The following STX2 variants were observed in gnomAD, a reference collection of about 807,000 sequenced individuals.
STX2 encodes syntaxin 2.
Under a neutral mutation model 40.6 loss-of-function variants are expected in STX2, and 27 were observed. That is an observed-to-expected ratio of 0.66 (90% CI 0.49 to 0.92). The LOEUF (loss-of-function observed/expected upper bound fraction) is 0.92. Ranked by LOEUF, STX2 falls within the 40% of genes least tolerant of loss-of-function variation. The pLI is 0.00. For synonymous variants in STX2, 123 were observed against 119.1 expected (o/e 1.03, Z -0.22); for missense variants, 328 against 366.1 (o/e 0.90, Z 0.85).
At position 130,812,889 on chromosome 12, in the gene STX2, A is replaced by G. The variant is rs1593151329; in HGVS notation, c.280+68T>C. 7.0e-6 allele frequency: 8 copies of G among 1,141,644 alleles called. No homozygotes were observed. In the East Asian group the frequency reaches 2.0e-4, roughly 28 times the overall value. 70.7% of individuals were successfully genotyped at this position (1,141,644 alleles called of 1,614,324 possible). Reference sequence around the variant, plus strand: ...TAAAAATGTAAAAGAACAAAAACCAATAAAGAAAAAAATAACAAATACCCA... The same window carrying G: ...TAAAAATGTAAAAGAACAAAAACCAGTAAAGAAAAAAATAACAAATACCCA... On this transcript the variant is annotated intron_variant, in intron 4 of 10. Coordinates refer to ENST00000392373, the MANE Select transcript of STX2 (RefSeq NM_194356.4).
chr12:130,798,711 C>G (rs1347089830), intron 8 of STX2, 76 bp from the exon 9 acceptor site: 1 of 1,169,012 alleles, frequency 8.6e-7, no homozygotes, highest in African/African-American at 1.6e-5. Flanking sequence ...AACCATAGAA[C>G]AAAGGTTTTA....
intron 3 of STX2, among the ~76,000 whole-genome samples, chr12:130,813,450 G>A (rs569710594): frequency 1.2e-4 from 19 of 152,322 alleles, no homozygotes; most frequent in Middle Eastern, 3.4e-3. Context: ...AAAGTCTCCC[G>A]TGTGTGTGCT....
chr12:130,822,384 C>T (rs960555805), intron 2 of STX2, among the ~76,000 whole-genome samples: 6 of 151,860 alleles, frequency 4.0e-5, no homozygotes, highest in African/African-American at 9.7e-5. Context: ...CCACTGCACT[C>T]CAGCGTGGGC....
chr12:130,836,098 C>T (rs35019831), intron 1 of STX2, among the ~76,000 whole-genome samples: 36,492 of 149,234 alleles, frequency 0.24, 5,078 homozygotes, highest in African/African-American at 0.39. Flanking sequence ...GTTGTGAGTA[C>T]ACATTCAACT....
chr12:130,809,739 C>T (rs1158013801), intron 4 of STX2, among the ~76,000 whole-genome samples: 1 of 152,170 alleles, frequency 6.6e-6, no homozygotes, highest in African/African-American at 2.4e-5. Flanking sequence ...ATTGCTTGAA[C>T]TCAGGAGGCG....
chr12:130,809,841 A>G (rs578192724), intron 4 of STX2, among the ~76,000 whole-genome samples: 3 of 152,192 alleles, frequency 2.0e-5, no homozygotes, highest in Non-Finnish European at 4.4e-5. Context: ...CACAGAGGAA[A>G]AACTATTCAA....
chr12:130,800,780 T>G lies in STX2; in HGVS notation c.675+373A>C, dbSNP rs539066013. Among the ~76,000 whole-genome samples the G allele has an allele frequency of 3.9e-5, 6 of 152,384 alleles. No homozygotes were observed. The South Asian group carries it at 1.2e-3, about 32-fold the overall frequency. On this transcript the variant is annotated intron_variant, in intron 8 of 10. Coordinates refer to ENST00000392373, the MANE Select transcript of STX2 (RefSeq NM_194356.4). ...AGCTCGTGCCATGTGTTTGTGTTTA[T>G]GTACTCATACATATGTACGGGCATA... is the stretch of plus-strand genomic sequence containing the variant.
At chr12:130,812,313 T>C in intron 4 of STX2, 1 of 446,902 alleles carries the variant, frequency 2.2e-6, no homozygotes, top group Non-Finnish European at 4.5e-6. Context: ...TACACACTGA[T>C]GAAATCTCAG....
At chr12:130,831,387 G>A (rs904104791) in intron 1 of STX2, among the ~76,000 whole-genome samples, 52 of 152,206 alleles carry the variant, frequency 3.4e-4, no homozygotes, top group Admixed American at 3.0e-3. Context: ...AAAGCTGGCC[G>A]GGTGCGGCAG....
intron 6 of STX2, among the ~76,000 whole-genome samples, chr12:130,804,324 G>A (rs906848387): frequency 2.0e-5 from 3 of 152,202 alleles, no homozygotes; most frequent in Non-Finnish European, 2.9e-5. Context: ...AAGACAGCCC[G>A]CTGTGTGGCC....
intron 3 of STX2, among the ~76,000 whole-genome samples, chr12:130,818,537 G>A (rs948433907): frequency 3.3e-5 from 5 of 152,120 alleles, no homozygotes; most frequent in African/African-American, 1.2e-4. Context: ...TCTGAATCCA[G>A]AGCCACAGAG....
At chr12:130,803,802 G>GT (rs1212936713) in intron 6 of STX2, among the ~76,000 whole-genome samples, 2 of 151,914 alleles carry the variant, frequency 1.3e-5, no homozygotes, top group East Asian at 3.9e-4. Flanking sequence ...GTATACATTC[G>GT]TAATTCCTTA....
intron 10 of STX2, among the ~76,000 whole-genome samples, chr12:130,792,814 A>T (rs1351000148): frequency 1.3e-5 from 2 of 152,242 alleles, no homozygotes; most frequent in African/African-American, 4.8e-5. Context: ...GAAATCAACA[A>T]GACATTCATT....
intron 5 of STX2, among the ~76,000 whole-genome samples, chr12:130,807,588 G>A (rs748288697): frequency 3.9e-5 from 6 of 152,136 alleles, no homozygotes; most frequent in Non-Finnish European, 5.9e-5. Flanking sequence ...CAGAGCCCGC[G>A]TGCTTCATCG....
intron 1 of STX2, among the ~76,000 whole-genome samples, chr12:130,830,063 T>C (rs183957561): frequency 6.6e-6 from 1 of 152,344 alleles, no homozygotes; most frequent in Non-Finnish European, 1.5e-5. Context: ...AATACTATGG[T>C]GAGCCCTCAG....
At chr12:130,836,815 T>A (rs958679772) in intron 1 of STX2, among the ~76,000 whole-genome samples, 2 of 152,094 alleles carry the variant, frequency 1.3e-5, no homozygotes, top group Non-Finnish European at 2.9e-5. Flanking sequence ...ACTCCATGAG[T>A]GGAAACTTCC....
intron 1 of STX2, among the ~76,000 whole-genome samples, chr12:130,830,669 T>C (rs1233825024): frequency 6.6e-6 from 1 of 152,244 alleles, no homozygotes; most frequent in Non-Finnish European, 1.5e-5. Context: ...ATACTGTCTT[T>C]GCTTTTCCAT....
intron 3 of STX2, among the ~76,000 whole-genome samples, chr12:130,818,185 A>AAAAAAAATATAT: frequency 6.1e-4 from 43 of 70,518 alleles, no homozygotes; most frequent in Non-Finnish European, 7.3e-4. Context: ...AAAAAAAAAA[A>AAAAAAAATATAT]ATATATATAT....
Position 130,796,094 on chromosome 12 carries a change from T to G in STX2, c.813A>C (p.Ser271=). 1 of 1,614,134 alleles carries G rather than the reference T, an allele frequency of 6.2e-7. No homozygotes were observed. Among genetic ancestry groups the G allele is most frequent in the Non-Finnish European group, 8.5e-7 (1 of 1,180,022 alleles). Reference sequence around the variant, plus strand: ...GAGCGATTATGGCAACCAGAACCACTGACACAGCAATAATTATCCACTTTT... The same window carrying G: ...GAGCGATTATGGCAACCAGAACCACGGACACAGCAATAATTATCCACTTTT... ...RRKKWIIIAV[S]VVLVAIIALI... Residue 271 remains serine (S), a synonymous_variant, in exon 10 of 11, where the codon TCA becomes TCC. Transcript: ENST00000392373.
Sources: allele counts gnomAD v4.1 joint callset (sites outside exome capture counted in the v4.1 genomes callset), GRCh38; gene constraint gnomAD v4.1.1; transcripts MANE v1.5; gene names NCBI Gene and HGNC (gene_info 2026-07-23, HGNC 2026-07-21).